The following DGKB variants were observed in gnomAD, a reference collection of about 807,000 sequenced individuals.
The protein encoded by DGKB is diacylglycerol kinase beta.
In DGKB, 67 loss-of-function variants were observed where a neutral mutation model predicts 114.3. That is an observed-to-expected ratio of 0.59 (90% CI 0.48 to 0.72). The LOEUF is 0.72. Ranked by LOEUF, DGKB falls within the 30% of genes least tolerant of loss-of-function variation. DGKB has a pLI of 0.00. For missense variants in DGKB, 907 were observed against 975.2 expected, an observed-to-expected ratio of 0.93 and a Z score of 0.93; for synonymous variants, 398 against 323.1, an observed-to-expected ratio of 1.23 and a Z score of -2.49.
chr7:14,889,845 T>C (rs967655884), intron 1 of DGKB, among the ~76,000 whole-genome samples: 2 of 151,532 alleles, frequency 1.3e-5, no homozygotes, highest in Non-Finnish European at 3.0e-5. Flanking sequence ...TAGACATAAT[T>C]TTTAACCCAG....
Position 14,259,957 on chromosome 7 carries a change from T to C in DGKB, c.2122+78558A>G, listed in dbSNP as rs117560682. 7.2e-5 allele frequency among the ~76,000 whole-genome samples: 11 copies of C among 152,354 alleles called. No individual in the cohort carries two copies. The East Asian group carries it at 2.1e-3, about 29-fold the overall frequency. ...GTTCCTCAATTTCACAAGCATGTTA[T>C]GTAAAATAAATACATTTCAAATTGT... is the stretch of plus-strand genomic sequence containing the variant. On this transcript the variant is annotated intron_variant, in intron 23 of 25. Coordinates refer to ENST00000402815, the MANE Select transcript of DGKB (RefSeq NM_001350709.2).
intron 20 of DGKB, among the ~76,000 whole-genome samples, chr7:14,552,760 A>T (rs1188267624): frequency 6.6e-6 from 1 of 152,234 alleles, no homozygotes; most frequent in East Asian, 1.9e-4. Context: ...AATGTTTTCC[A>T]ATAGGGAGCT....
chr7:14,714,532 T>C (rs1827880994), intron 6 of DGKB, among the ~76,000 whole-genome samples: 1 of 152,016 alleles, frequency 6.6e-6, no homozygotes, highest in African/African-American at 2.4e-5. Flanking sequence ...AATAAGTATG[T>C]TAGTTGATAA....
At chr7:14,313,255 T>C (rs534908800) in intron 23 of DGKB, among the ~76,000 whole-genome samples, 30 of 151,440 alleles carry the variant, frequency 2.0e-4, no homozygotes, top group African/African-American at 6.1e-4. Flanking sequence ...TAAAACAACA[T>C]ATTGCGGGGA....
At chr7:14,762,721 C>T (rs1450425936) in intron 2 of DGKB, among the ~76,000 whole-genome samples, 1 of 152,062 alleles carries the variant, frequency 6.6e-6, no homozygotes, top group Non-Finnish European at 1.5e-5. Flanking sequence ...ATCTCAAAGG[C>T]CCCATGAAGT....
intron 5 of DGKB, among the ~76,000 whole-genome samples, chr7:14,733,610 T>C (rs909972594): frequency 2.6e-5 from 4 of 151,728 alleles, no homozygotes; most frequent in Non-Finnish European, 4.4e-5. Context: ...ATCTCTTGAA[T>C]CCAGAAGGCA....
At chr7:14,572,098 A>G (rs1030762942) in intron 20 of DGKB, among the ~76,000 whole-genome samples, 1 of 152,168 alleles carries the variant, frequency 6.6e-6, no homozygotes, top group African/African-American at 2.4e-5. Context: ...GACTTCACAG[A>G]CAAATACTTC....
At chr7:14,203,637 G>A (rs1584429217) in intron 23 of DGKB, among the ~76,000 whole-genome samples, 2 of 151,942 alleles carry the variant, frequency 1.3e-5, no homozygotes, top group African/African-American at 4.8e-5. Flanking sequence ...TCACATTGTG[G>A]TCTAAATGAA....
chr7:14,326,098 T>C (rs1018690088), intron 23 of DGKB, among the ~76,000 whole-genome samples: 19 of 151,640 alleles, frequency 1.3e-4, no homozygotes, highest in African/African-American at 3.9e-4. Flanking sequence ...ATACAACTTA[T>C]TGTATTCATG....
At chr7:14,257,230 A>AAATT (rs1001443173) in intron 23 of DGKB, among the ~76,000 whole-genome samples, 13 of 152,274 alleles carry the variant, frequency 8.5e-5, no homozygotes, top group African/African-American at 3.1e-4. Context: ...TTTTTTTAAA[A>AAATT]AATTAGAATA....
intron 1 of DGKB, among the ~76,000 whole-genome samples, chr7:14,854,987 A>G (rs1562728079): frequency 6.6e-6 from 1 of 152,202 alleles, no homozygotes; most frequent in African/African-American, 2.4e-5. Flanking sequence ...AAGAGAACCC[A>G]AGAGACACCC....
In DGKB at chr7:14,290,048, A is replaced by G. The variant is rs1368263836; in HGVS notation, c.2122+48467T>C. Among the ~76,000 whole-genome samples the G allele has an allele frequency of 3.9e-5, 6 of 152,254 alleles. No homozygotes were observed. The East Asian group carries it at 1.2e-3, about 29-fold the overall frequency. On this transcript the variant is annotated intron_variant, in intron 23 of 25. Transcript: ENST00000402815. The stretch of plus-strand genomic sequence containing the variant: ...TGTAGCAAGTCTACAGATTTGTCAT[A>G]CAACATGGGCAACATGCAACCACCA...
At chr7:14,900,622 A>G (rs768704416) in intron 1 of DGKB, among the ~76,000 whole-genome samples, 1 of 152,168 alleles carries the variant, frequency 6.6e-6, no homozygotes, top group Non-Finnish European at 1.5e-5. Flanking sequence ...ATACTAGTTC[A>G]GACACTATCC....
chr7:14,609,251 T>C (rs535837900), intron 16 of DGKB, among the ~76,000 whole-genome samples: 1 of 152,104 alleles, frequency 6.6e-6, no homozygotes, highest in East Asian at 1.9e-4. Flanking sequence ...CAAACCTTCA[T>C]CTGATCTTCA....
At chr7:14,500,758 T>C (rs1282247146) in intron 20 of DGKB, among the ~76,000 whole-genome samples, 3 of 151,794 alleles carry the variant, frequency 2.0e-5, no homozygotes, top group African/African-American at 7.2e-5. Flanking sequence ...TGGAGTCTAC[T>C]GGTGAAGATT....
intron 21 of DGKB, among the ~76,000 whole-genome samples, chr7:14,411,318 G>C (rs180815565): frequency 8.6e-4 from 131 of 152,274 alleles, no homozygotes; most frequent in Non-Finnish European, 1.5e-3. Flanking sequence ...TAGTTTTCAA[G>C]TTACAATGGA....
At chr7:14,451,341 C>A (rs543250752) in intron 21 of DGKB, among the ~76,000 whole-genome samples, 3 of 152,086 alleles carry the variant, frequency 2.0e-5, no homozygotes, top group Non-Finnish European at 4.4e-5. Flanking sequence ...CTGACTGATA[C>A]ATTTAAGCTG....
At chr7:14,669,452 C>T (rs1169719861) in intron 13 of DGKB, among the ~76,000 whole-genome samples, 1 of 152,082 alleles carries the variant, frequency 6.6e-6, no homozygotes, top group East Asian at 1.9e-4. Flanking sequence ...AAGTTCTGTC[C>T]CCAGATAGCC....
At chr7:14,907,189 A>C (rs1296933982), upstream of DGKB, among the ~76,000 whole-genome samples, 2 of 152,170 alleles carry the variant, frequency 1.3e-5, no homozygotes, top group African/African-American at 4.8e-5. Flanking sequence ...AATGATCATA[A>C]AATATGGGAT....
Sources: allele counts gnomAD v4.1 joint callset (sites outside exome capture counted in the v4.1 genomes callset), GRCh38; gene constraint gnomAD v4.1.1; transcripts MANE v1.5; gene names NCBI Gene and HGNC (gene_info 2026-07-23, HGNC 2026-07-21).